DOCK8: variants seen among roughly 807,000 people sequenced by gnomAD.
DOCK8 encodes the protein dedicator of cytokinesis protein 8.
In DOCK8, 141 loss-of-function variants were observed where a neutral mutation model predicts 245.6. The observed-to-expected ratio is 0.57, with a 90% CI of 0.50 to 0.66. DOCK8 has a LOEUF of 0.66. Ranked by LOEUF, DOCK8 falls within the 30% of genes least tolerant of loss-of-function variation. The pLI is 0.00. For synonymous variants in DOCK8, 1,168 were observed against 970.2 expected, an observed-to-expected ratio of 1.20 and a Z score of -3.79; for missense variants, 2,965 against 2,603.4, an observed-to-expected ratio of 1.14 and a Z score of -3.02.
rs1300028807 is a variant in DOCK8, at chr9:403,973, T to C, written c.3235-945T>C. Among the ~76,000 whole-genome samples the C allele has an allele frequency of 8.9e-4, 82 of 91,850 alleles. 1 individual carries two copies. The highest frequency in any genetic ancestry group is 5.4e-3 in the African/African-American group (81 of 14,970). The allele number at this position is 91,850 out of a possible 152,430, so 60.3% of individuals were successfully genotyped here. On this transcript the variant is annotated intron_variant, in intron 26 of 47. Transcript: ENST00000432829. ...ATATATATATATGTATATATATATA[T>C]ATGTGTATATATATATATGTGTATA...
At chr9:324,695 C>G (rs139673625) in intron 7 of DOCK8, among the ~76,000 whole-genome samples, 11 of 152,306 alleles carry the variant, frequency 7.2e-5, no homozygotes, top group East Asian at 3.9e-4. Context: ...GCCAGACATT[C>G]ATCCCCATCA....
At position 400,995 on chromosome 9, in the gene DOCK8, C is replaced by CACCATCACCACCTCCTCCACCAT. The variant is rs1564017193; in HGVS notation, c.3234+1736_3234+1737insACCATCACCACCTCCTCCACCAT. On this transcript the variant is annotated intron_variant, in intron 26 of 47. Coordinates refer to ENST00000432829, the MANE Select transcript of DOCK8 (RefSeq NM_203447.4). ...TCCACCATCACCACCTCCTCCACCA[C>CACCATCACCACCTCCTCCACCAT]CACCACCATTAGCTCCACCATGACC... Among the ~76,000 whole-genome samples the CACCATCACCACCTCCTCCACCAT allele has an allele frequency of 2.4e-4, 13 of 54,636 alleles. 2 individuals are homozygous for CACCATCACCACCTCCTCCACCAT. The highest frequency in any genetic ancestry group is 3.7e-4 in the Admixed American group (2 of 5,434). 35.8% of individuals were successfully genotyped at this position (54,636 alleles called of 152,430 possible).
chr9:235,397 T>C (rs1191218694), intron 1 of DOCK8, among the ~76,000 whole-genome samples: 1 of 152,198 alleles, frequency 6.6e-6, no homozygotes, highest in Non-Finnish European at 1.5e-5. Flanking sequence ...AGCTGTGTGC[T>C]GGGAGAACCA....
intron 44 of DOCK8, among the ~76,000 whole-genome samples, chr9:447,642 A>G (rs4741953): frequency 0.61 from 92,923 of 151,638 alleles, 30,644 homozygotes; most frequent in East Asian, 0.99. Flanking sequence ...TTCTTTCCAC[A>G]CCCATGGTTC....
intron 2 of DOCK8, among the ~76,000 whole-genome samples, chr9:282,419 T>TG (rs1285584061): frequency 1.3e-5 from 2 of 150,934 alleles, no homozygotes; most frequent in East Asian, 1.9e-4. Flanking sequence ...TTTTGTTTTT[T>TG]TTTTTTTTTT....
chr9:310,117 A>G lies in DOCK8; in HGVS notation c.529-1837A>G, dbSNP rs191420173. Among the ~76,000 whole-genome samples, 263 of 152,114 alleles carry G rather than the reference A, an allele frequency of 1.7e-3. 1 individual carries two copies. Among genetic ancestry groups the G allele is most frequent in the African/African-American group, 6.0e-3 (249 of 41,492 alleles). ...ACCCTGTCTCTACTAAAAATACAAA[A>G]TTAGCCAGGCGTGGTGGCGCGTGCC... On this transcript the variant is annotated intron_variant, in intron 5 of 47. Transcript: ENST00000432829.
At position 406,834 on chromosome 9, in the gene DOCK8, G is replaced by A. The variant is rs763215920; in HGVS notation, c.3391-96G>A. The A allele has an allele frequency of 7.7e-6, 12 of 1,559,694 alleles. No individual in the cohort carries two copies. In the African/African-American group the frequency reaches 8.1e-5, roughly 11 times the overall value. Reference sequence around the variant, plus strand: ...ACCTACCTCACTGGGGAGGGCTCACGAAGCCTGGCTGGGGCGAGGACTCAG... The same window carrying A: ...ACCTACCTCACTGGGGAGGGCTCACAAAGCCTGGCTGGGGCGAGGACTCAG... On this transcript the variant is annotated intron_variant, in intron 27 of 47. Transcript: ENST00000432829.
chr9:412,974 C>A (rs960941838), intron 28 of DOCK8, among the ~76,000 whole-genome samples: 1 of 149,354 alleles, frequency 6.7e-6, no homozygotes, highest in Non-Finnish European at 1.5e-5. Context: ...AAAACAAGAA[C>A]AAAATTGGAG....
chr9:438,501 G>A (rs2056978144), intron 39 of DOCK8, among the ~76,000 whole-genome samples: 1 of 152,188 alleles, frequency 6.6e-6, no homozygotes, highest in African/African-American at 2.4e-5. Context: ...CACTGCCAGG[G>A]CCAGTGCTAG....
chr9:413,452 C>CA (rs1354123853), intron 28 of DOCK8, among the ~76,000 whole-genome samples: 4 of 151,778 alleles, frequency 2.6e-5, no homozygotes, highest in African/African-American at 9.7e-5. Context: ...AGGACACCAT[C>CA]AAAAAAATGA....
At chr9:217,293 T>C (rs1033438017) in intron 1 of DOCK8, among the ~76,000 whole-genome samples, 1 of 152,172 alleles carries the variant, frequency 6.6e-6, no homozygotes, top group Non-Finnish European at 1.5e-5. Flanking sequence ...GAGCCTAAGA[T>C]AGAAAGGTAG....
Position 441,344 on chromosome 9 carries a change from C to A in DOCK8, c.5282C>A (p.Ala1761Glu). The change falls in exon 41 of 48, where the codon GCG becomes GAG. Residue 1761 changes from alanine (A) to glutamate (E), a missense_variant. By Grantham distance (107) the Ala-to-Glu change is moderately radical. Around this residue, in one of 3 missense-constraint regions of DOCK8, gnomAD observed 2,825 missense variants for 2,453.5 expected, o/e 1.15. Transcript: ENST00000432829. ...VYKLVIPILE[A>E]HREFRKLTLT... is the part of the protein sequence containing the mutation. ...AAGCTGGTCATCCCCATCCTAGAAG[C>A]GCATCGAGAATTCCGGAAGCTGACA... 1 of 1,614,174 alleles carries A rather than the reference C, an allele frequency of 6.2e-7. No homozygotes were observed.
At chr9:400,986 C>CCTTCACCATCACCACCATTAG (rs2055044910) in intron 26 of DOCK8, among the ~76,000 whole-genome samples, 1 of 118,164 alleles carries the variant, frequency 8.5e-6, no homozygotes, top group Non-Finnish European at 2.0e-5. Context: ...ATCACCACCT[C>CCTTCACCATCACCACCATTAG]CTCCACCACC....
At chr9:415,675 C>T (rs1440348584) in intron 29 of DOCK8, among the ~76,000 whole-genome samples, 1 of 150,260 alleles carries the variant, frequency 6.7e-6, no homozygotes, top group Non-Finnish European at 1.5e-5. Context: ...CGTGTGTGTG[C>T]ACGTGTGTGC....
chr9:458,026 G>A (rs1002097998), intron 46 of DOCK8: 1 of 152,156 alleles, frequency 6.6e-6, no homozygotes, highest in African/African-American at 2.4e-5. Context: ...CCTCTTAATT[G>A]CCATGCTGAG....
intron 1 of DOCK8, among the ~76,000 whole-genome samples, chr9:254,116 C>T (rs2047715067): frequency 6.6e-6 from 1 of 152,174 alleles, no homozygotes; most frequent in Non-Finnish European, 1.5e-5. Flanking sequence ...CTGATATTGA[C>T]AGTAAGATAT....
intron 1 of DOCK8, among the ~76,000 whole-genome samples, chr9:232,157 G>T (rs1179316994): frequency 6.6e-6 from 1 of 152,140 alleles, no homozygotes. Flanking sequence ...AGATAATCAT[G>T]TGGTTTTTGC....
rs557289732 is a variant in DOCK8 at position 411,310 on chromosome 9, G to A, written c.3531-3472G>A. 1.3e-4 allele frequency among the ~76,000 whole-genome samples: 20 copies of A among 152,188 alleles called. No individual in the cohort carries two copies. The East Asian group carries it at 3.9e-3, about 29-fold the overall frequency. ...AACCTGTAATCCCATCTACTCGGGA[G>A]GCTGAGGCAGAAGAATCATTTGAGA... On this transcript the variant is annotated intron_variant, in intron 28 of 47. Coordinates refer to ENST00000432829, the MANE Select transcript of DOCK8 (RefSeq NM_203447.4).
In DOCK8 at chr9:382,699, C is replaced by G. The variant is rs2053773494; in HGVS notation, c.2778+14C>G. 2.5e-6 allele frequency: 4 copies of G among 1,613,982 alleles called. No homozygotes were observed. Among genetic ancestry groups the G allele is most frequent in the Non-Finnish European group, 3.4e-6 (4 of 1,179,976 alleles). ...ATGTCTTCAAAGGTAGGAAAGATGT[C>G]AAACCGTGGAAGGGGACACAGGCTT... On this transcript the variant is annotated intron_variant, in intron 22 of 47. Coordinates refer to ENST00000432829, the MANE Select transcript of DOCK8 (RefSeq NM_203447.4).
Sources: allele counts gnomAD v4.1 joint callset (sites outside exome capture counted in the v4.1 genomes callset), GRCh38; gene constraint gnomAD v4.1.1; regional missense constraint gnomAD v4.1.1; transcripts MANE v1.5; gene names NCBI Gene and HGNC (gene_info 2026-07-23, HGNC 2026-07-21).